Variants in HR observed in about 807,000 individuals in gnomAD.
The protein encoded by HR is HR lysine demethylase and nuclear receptor corepressor.
Under a neutral mutation model 128.6 loss-of-function variants are expected in HR, and 83 were observed. The ratio of observed to expected loss-of-function variants is 0.65; its 90% CI spans 0.54 to 0.77. HR has a LOEUF of 0.77. Ranked by LOEUF, HR falls within the 30% of genes least tolerant of loss-of-function variation. The pLI, the probability that HR is intolerant of heterozygous loss-of-function variation, is 0.00. For synonymous variants in HR, 681 were observed against 658.2 expected, an observed-to-expected ratio of 1.03 and a Z score of -0.53; for missense variants, 1,490 against 1,574.6, an observed-to-expected ratio of 0.95 and a Z score of 0.91.
intron 8 of HR, 120 bp from the exon 9 acceptor site, chr8:22,121,814 A>G: frequency 3.0e-6 from 3 of 1,016,076 alleles, no homozygotes; most frequent in Non-Finnish European, 4.6e-6. Flanking sequence ...TCGTGTTTAT[A>G]GGAGCAAAAT....
chr8:22,124,084 A>AGGGTGT (rs754273919), intron 5 of HR, among the ~76,000 whole-genome samples: 358 of 152,270 alleles, frequency 2.4e-3, no homozygotes, highest in Non-Finnish European at 4.4e-3. Context: ...CCCCACACCC[A>AGGGTGT]GCTCTGCCCC....
chr8:22,120,881 C>T lies in HR; in HGVS notation c.2445G>A (p.Gly815=). The change falls in exon 11 of 19, where the codon GGG becomes GGA. Residue 815 remains glycine (G), a synonymous_variant. Coordinates refer to ENST00000381418, the MANE Select transcript of HR (RefSeq NM_005144.5). The part of the protein sequence containing the change: ...VERKIQEKAL[G]PGLRAGPGLR... ...GACCCGGGCCAGCTCGAAGCCCCGG[C>T]CCCAGGGCTTTCTCCTGGATCTTCC... The T allele has an allele frequency of 6.4e-7, 1 of 1,554,148 alleles. No individual in the cohort carries two copies. Among genetic ancestry groups the T allele is most frequent in the South Asian group, 1.2e-5 (1 of 84,588 alleles).
chr8:22,123,026 G>A (rs111800953), intron 6 of HR, 147 bp from the exon 7 acceptor site: 5 of 746,504 alleles, frequency 6.7e-6, no homozygotes, highest in African/African-American at 5.2e-5. Context: ...GTCACATAGA[G>A]ACACAGCATT....
chr8:22,118,891 C>T (rs1440519248), intron 16 of HR, 59 bp downstream of exon 16: 1 of 1,451,266 alleles, frequency 6.9e-7, no homozygotes, highest in Non-Finnish European at 9.6e-7. Flanking sequence ...TGGGGTGGGA[C>T]TGGACGAGCT....
chr8:22,121,480 G>C, intron 9 of HR, 133 bp downstream of exon 9: 1 of 996,256 alleles, frequency 1.0e-6, no homozygotes, highest in Non-Finnish European at 1.6e-6. Flanking sequence ...GTCCTGAGGG[G>C]AGTAGTGGAG....
In HR at chr8:22,120,749, G is replaced by A; in HGVS notation, c.2577C>T (p.Phe859=). Residue 859 remains phenylalanine (F), a synonymous_variant, in exon 11 of 19, where the codon TTC becomes TTT. Transcript: ENST00000381418. Reference sequence around the variant, plus strand: ...GCCTCCAGTGCTCCTGGAAGAGGTGGAAGCCACGCCGAGGGCAAGGCTGGG... The same window carrying A: ...GCCTCCAGTGCTCCTGGAAGAGGTGAAAGCCACGCCGAGGGCAAGGCTGGG... The part of the protein sequence containing the change: ...QEPQPCPRRG[F]HLFQEHWRQG... 1 of 1,512,054 alleles carries A rather than the reference G, an allele frequency of 6.6e-7. No homozygotes were observed. The highest frequency in any genetic ancestry group is 8.9e-7 in the Non-Finnish European group (1 of 1,129,780). The allele number at this position is 1,512,054 out of a possible 1,614,324, so 93.7% of individuals were successfully genotyped here.
chr8:22,116,636 C>T lies in HR; in HGVS notation c.3379-208G>A, dbSNP rs1399771681. ...CTGGAGAGACCCTAAAGTCTCCCTG[C>T]GAGCCCCCTGACATCAGCATGCCCA... On this transcript the variant is annotated intron_variant, in intron 17 of 18. Coordinates refer to ENST00000381418, the MANE Select transcript of HR (RefSeq NM_005144.5). The surrounding 1 kb of genome is among the most constrained non-coding windows in gnomAD (Gnocchi z 4.2). 3.9e-5 allele frequency among the ~76,000 whole-genome samples: 6 copies of T among 152,086 alleles called. No individual in the cohort carries two copies. The highest frequency in any genetic ancestry group is 9.7e-5 in the African/African-American group (4 of 41,388).
In HR at chr8:22,119,877, C is replaced by T. The variant is rs781283472; in HGVS notation, c.2860G>A (p.Ala954Thr). 1 of 1,613,596 alleles carries T rather than the reference C, an allele frequency of 6.2e-7. No individual in the cohort carries two copies. Among genetic ancestry groups the T allele is most frequent in the South Asian group, 1.1e-5 (1 of 91,084 alleles). The part of the protein sequence containing the change: ...DEDTSRVENL[A>T]ASLPLPEYCA... ...TACTCCGGAAGTGGCAGACTGGCAG[C>T]TAGGTTCTCCACCCTGTCAGGGTAG... Residue 954 changes from alanine (A) to threonine (T), a missense_variant, in exon 14 of 19, where the codon GCT becomes ACT. Ala to Thr is a moderately conservative substitution (Grantham distance 58, BLOSUM62 0). Around this residue, in one of 3 missense-constraint regions of HR, gnomAD observed 423 missense variants for 495.9 expected, o/e 0.85. Coordinates refer to ENST00000381418, the MANE Select transcript of HR (RefSeq NM_005144.5).
At position 22,118,648 on chromosome 8, in the gene HR, C is replaced by T. The variant is rs561791107; in HGVS notation, c.3213+302G>A. 3.6e-4 allele frequency: 166 copies of T among 457,090 alleles called. 1 individual carries two copies. The highest frequency in any genetic ancestry group is 2.7e-3 in the African/African-American group (136 of 50,864). The allele number at this position is 457,090 out of a possible 1,614,324, so 28.3% of individuals were successfully genotyped here. A position where few individuals can be genotyped will look rare whatever the true frequency, so the allele number is the denominator to read the frequency against. On this transcript the variant is annotated intron_variant, in intron 16 of 18. Transcript: ENST00000381418. ...TGCCTCATGGGGCGGGGGGCTGAGA[C>T]GGGTAACAGATAATTGTGCCTAAGG...
rs1826604142 is a variant in HR at position 22,116,908 on chromosome 8, C to G, written c.3345G>C (p.Glu1115Asp). The G allele has an allele frequency of 6.4e-7, 1 of 1,563,546 alleles. No homozygotes were observed. Among genetic ancestry groups the G allele is most frequent in the Non-Finnish European group, 8.6e-7 (1 of 1,159,636 alleles). ...GAGCCCCTGCAGGCACCAGCACGGC[C>G]TCTCCGGGGGCCTGGAGCAGGGTCC... ...SCWTLLQAPG[E>D]AVLVPAGAPH... The change falls in exon 17 of 19, where the codon GAG (glutamate) becomes GAC (aspartate). Residue 1115 changes from glutamate (E) to aspartate (D), a missense_variant. Around this residue, in one of 3 missense-constraint regions of HR, gnomAD observed 423 missense variants for 495.9 expected, o/e 0.85. Transcript: ENST00000381418. This position sits in a 1 kb window ranked among gnomAD's most constrained non-coding sequence, Gnocchi z 4.2.
rs570609375 is a variant in HR at position 22,116,435 on chromosome 8, C to G, written c.3379-7G>C. On this transcript the variant is annotated splice_region_variant and splice_polypyrimidine_tract_variant and intron_variant, in intron 17 of 18. Transcript: ENST00000381418. This position sits in a 1 kb window ranked among gnomAD's most constrained non-coding sequence, Gnocchi z 4.2. ...TGCTCACCAGGCCCTGCACCTGTGT[C>G]GGGGGGACATGGACAGTGAGGCTCA... is the stretch of plus-strand genomic sequence containing the variant. 1.9e-6 allele frequency: 3 copies of G among 1,613,084 alleles called. No individual in the cohort carries two copies. The South Asian group carries it at 3.3e-5, about 18-fold the overall frequency.
chr8:22,117,033 G>A lies in HR; in HGVS notation c.3220C>T (p.Pro1074Ser). 1 of 1,502,316 alleles carries A rather than the reference G, an allele frequency of 6.7e-7. No homozygotes were observed. 93.1% of individuals were successfully genotyped at this position (1,502,316 alleles called of 1,614,324 possible). A position where few individuals can be genotyped will look rare whatever the true frequency, so the allele number is the denominator to read the frequency against. The change falls in exon 17 of 19, where the codon CCG (proline) becomes TCG (serine). Residue 1074 changes from proline (P) to serine (S), a missense_variant. Physicochemically the swap from Pro to Ser is moderately conservative, Grantham distance 74 (BLOSUM62 -1). Around this residue, in one of 3 missense-constraint regions of HR, gnomAD observed 423 missense variants for 495.9 expected, o/e 0.85. Transcript: ENST00000381418. ...RIRRFLQMVC[P>S]AGAGALEPGA... ...GGCTCCAGGGCGCCTGCCCCGGCCG[G>A]GCACACCTCAAAGAAGAGAAGGGGG...
At chr8:22,125,279 G>A (rs1411798268) in intron 5 of HR, 32 bp downstream of exon 5, 1 of 1,548,518 alleles carries the variant, frequency 6.5e-7, no homozygotes, top group Non-Finnish European at 8.7e-7. Context: ...CCCACACAGA[G>A]ACCCCACGCA....
In HR at chr8:22,118,795, C is replaced by G. The variant is rs1826655912; in HGVS notation, c.3213+155G>C. Reference sequence around the variant, plus strand: ...ACGGCAGAACTCCGGGTCCCCTCTGCCTTCTCTGCACCTGTCTGTGCGAGT... The same window carrying G: ...ACGGCAGAACTCCGGGTCCCCTCTGGCTTCTCTGCACCTGTCTGTGCGAGT... On this transcript the variant is annotated intron_variant, in intron 16 of 18. Coordinates refer to ENST00000381418, the MANE Select transcript of HR (RefSeq NM_005144.5). The G allele has an allele frequency of 2.9e-5, 19 of 653,062 alleles. No homozygotes were observed. In the South Asian group the frequency reaches 3.5e-4, roughly 12 times the overall value. The allele number at this position is 653,062 out of a possible 1,614,324, so 40.5% of individuals were successfully genotyped here. A position where few individuals can be genotyped will look rare whatever the true frequency, so the allele number is the denominator to read the frequency against.
intron 15 of HR, 26 bp downstream of exon 15, chr8:22,119,138 G>T (rs759583459): frequency 6.2e-7 from 1 of 1,613,670 alleles, no homozygotes; most frequent in East Asian, 2.2e-5. Flanking sequence ...GCTTGTCCCC[G>T]CTCCTGCCTC....
chr8:22,123,482 A>G (rs1356897402), intron 6 of HR, among the ~76,000 whole-genome samples, 167 bp downstream of exon 6: 3 of 152,202 alleles, frequency 2.0e-5, no homozygotes, highest in African/African-American at 7.2e-5. Context: ...TCTGATCTGC[A>G]GAGAGGGGAA....
chr8:22,123,387 A>G (rs1415689671), intron 6 of HR, among the ~76,000 whole-genome samples: 1 of 152,236 alleles, frequency 6.6e-6, no homozygotes, highest in Non-Finnish European at 1.5e-5. Flanking sequence ...GCAGGTTTTA[A>G]AAGGTGCCAG....
chr8:22,117,182 C>G (rs1378416493), intron 16 of HR, 143 bp from the exon 17 acceptor site: 4 of 868,258 alleles, frequency 4.6e-6, no homozygotes, highest in African/African-American at 3.5e-5. Context: ...GAGGGCATGG[C>G]TGAGTTTGTT....
chr8:22,127,881 TAAATGGATGGG>T lies in HR; in HGVS notation c.613-63_613-53del, dbSNP rs754705416. ...TCAGCTGACTTGGGCTCCCCATGCC[TAAATGGATGGG>T]CAGAACTGACAAGCAAGAAGGAAGG... On this transcript the variant is annotated intron_variant, in intron 2 of 18. Coordinates refer to ENST00000381418, the MANE Select transcript of HR (RefSeq NM_005144.5). The T allele has an allele frequency of 1.5e-4, 232 of 1,530,994 alleles. No homozygotes were observed. In the African/African-American group the frequency reaches 2.7e-3, roughly 18 times the overall value. 94.8% of individuals were successfully genotyped at this position (1,530,994 alleles called of 1,614,324 possible).
Sources: gnomAD v4.1 joint callset for allele counts (sites outside exome capture counted in the v4.1 genomes callset) on GRCh38, gnomAD v4.1.1 for gene constraint, gnomAD v4.1.1 regional missense constraint, Gnocchi (gnomAD v3.1) non-coding constraint, MANE v1.5 for transcripts, NCBI Gene and HGNC (gene_info 2026-07-23, HGNC 2026-07-21) for gene names.